NLRP4: variants seen among roughly 807,000 people sequenced by gnomAD.
NLRP4 encodes NLR family pyrin domain containing 4, also known as NACHT, LRR and PYD domains-containing protein 4.
In NLRP4, 44 loss-of-function variants were observed where a neutral mutation model predicts 84.7. The ratio of observed to expected loss-of-function variants is 0.52; its 90% CI spans 0.41 to 0.67. NLRP4 has a LOEUF of 0.67. Among genes scored for constraint, NLRP4 ranks in the 30% least tolerant of loss-of-function variants. The probability of loss-of-function intolerance (pLI) is 0.00; values close to 1 mark genes in which losing one functional copy is unlikely to be tolerated. For synonymous variants in NLRP4, 544 were observed against 476.4 expected (o/e 1.14, Z -1.85); for missense variants, 1,260 against 1,219.4 (o/e 1.03, Z -0.50).
At chr19:55,845,800 TG>T (rs1360560919) in intron 1 of NLRP4, among the ~76,000 whole-genome samples, 8 of 148,630 alleles carry the variant, frequency 5.4e-5, no homozygotes, top group South Asian at 2.1e-4. Context: ...TTTTTTCATG[TG>T]TTTTTTGGCT....
intron 6 of NLRP4, 38 bp downstream of exon 6, chr19:55,867,914 T>G (rs1392439077): frequency 1.3e-6 from 2 of 1,593,626 alleles, no homozygotes; most frequent in Non-Finnish European, 1.7e-6. Flanking sequence ...TGGAGGGCCA[T>G]GGCGGCAGTT....
intron 1 of NLRP4, among the ~76,000 whole-genome samples, chr19:55,844,869 G>C (rs1460104611): frequency 6.6e-6 from 1 of 152,118 alleles, no homozygotes. Context: ...TGGTAGAGGA[G>C]TGTGTGTGCG....
chr19:55,879,567 A>G (rs990892337), intron 9 of NLRP4, among the ~76,000 whole-genome samples: 9 of 152,120 alleles, frequency 5.9e-5, no homozygotes, highest in East Asian at 1.9e-4. Flanking sequence ...TACTGTACCC[A>G]TGCTAATAAA....
At position 55,840,360 on chromosome 19, in the gene NLRP4, G is replaced by A. The variant is rs1600216712; in HGVS notation, c.-66+3426G>A. ...TGTATGTGTATGTGTGTGTGTGTGT[G>A]TGTGTGTGTGTGTGTGTATACATAT... On this transcript the variant is annotated intron_variant, in intron 1 of 9. Coordinates refer to ENST00000301295, the MANE Select transcript of NLRP4 (RefSeq NM_134444.5). Among the ~76,000 whole-genome samples, 3 of 150,780 alleles carry A rather than the reference G, an allele frequency of 2.0e-5. No homozygotes were observed. In the South Asian group the frequency reaches 6.3e-4, roughly 32 times the overall value.
At chr19:55,847,653 G>A (rs1983848284) in intron 1 of NLRP4, among the ~76,000 whole-genome samples, 2 of 151,142 alleles carry the variant, frequency 1.3e-5, no homozygotes, top group South Asian at 2.1e-4. Flanking sequence ...TAATAAACCA[G>A]TATTAATAGA....
Position 55,874,986 on chromosome 19 carries a change from C to T in NLRP4, c.2526-2010C>T, listed in dbSNP as rs573565025. The stretch of plus-strand genomic sequence containing the variant: ...ACATTAAAAAGATTAGTAAAAAAAT[C>T]AATGTAAATCACTTTACTGGTTAAA... On this transcript the variant is annotated intron_variant, in intron 7 of 9. Coordinates refer to ENST00000301295, the MANE Select transcript of NLRP4 (RefSeq NM_134444.5). 5.3e-3 allele frequency among the ~76,000 whole-genome samples: 802 copies of T among 152,170 alleles called. 5 individuals are homozygous for T. Among genetic ancestry groups the T allele is most frequent in the African/African-American group, 0.017 (709 of 41,548 alleles).
At chr19:55,847,988 G>T (rs425122) in intron 1 of NLRP4, among the ~76,000 whole-genome samples, 21,627 of 152,014 alleles carry the variant, frequency 0.14, 1,672 homozygotes, top group East Asian at 0.22. Flanking sequence ...GTGCTGGGAT[G>T]ACAGGCGTGA....
rs775509691 is a variant in NLRP4 at position 55,857,806 on chromosome 19, T to C, written c.413T>C (p.Leu138Pro). The C allele has an allele frequency of 6.2e-7, 1 of 1,613,970 alleles. No individual in the cohort carries two copies. The highest frequency in any genetic ancestry group is 8.5e-7 in the Non-Finnish European group (1 of 1,179,880). The change falls in exon 3 of 10, where the codon CTT becomes CCT. Residue 138 changes from leucine to proline, a missense_variant. Physicochemically the swap from Leu to Pro is moderately conservative, Grantham distance 98 (BLOSUM62 -3). Around this residue, in one of 3 missense-constraint regions of NLRP4, gnomAD observed 712 missense variants for 669.2 expected, o/e 1.06. Coordinates refer to ENST00000301295, the MANE Select transcript of NLRP4 (RefSeq NM_134444.5). ...KQEECDHLDRLFAPKEAGKQP... is the reference protein window; with the variant it reads ...KQEECDHLDRPFAPKEAGKQP... ...GAAGAATGTGACCATTTGGACCGCC[T>C]TTTTGCTCCCAAGGAAGCTGGGAAA...
intron 9 of NLRP4, among the ~76,000 whole-genome samples, chr19:55,879,938 A>T (rs1254003561): frequency 6.6e-6 from 1 of 151,732 alleles, no homozygotes; most frequent in African/African-American, 2.4e-5. Context: ...ACTTATATAA[A>T]CATAATTTAT....
At position 55,867,698 on chromosome 19, in the gene NLRP4, C is replaced by T. The variant is rs1212464706; in HGVS notation, c.2187-11C>T. 6.2e-7 allele frequency: 1 copy of T among 1,610,446 alleles called. No individual in the cohort carries two copies. The highest frequency in any genetic ancestry group is 8.5e-7 in the Non-Finnish European group (1 of 1,177,852). ...AAACCAACAGAATGTGACATTTTCC[C>T]TTTCCTGCAGGCTGGTAAATTGTCA... is the stretch of plus-strand genomic sequence containing the variant. On this transcript the variant is annotated splice_polypyrimidine_tract_variant and intron_variant, in intron 5 of 9. Coordinates refer to ENST00000301295, the MANE Select transcript of NLRP4 (RefSeq NM_134444.5).
At chr19:55,838,035 C>CCAAAAAAAAAAAAAAAAAAGG (rs59078329) in intron 1 of NLRP4, among the ~76,000 whole-genome samples, 6 of 132,718 alleles carry the variant, frequency 4.5e-5, no homozygotes, top group South Asian at 2.3e-4. Flanking sequence ...GACTCGGTCT[C>CCAAAAAAAAAAAAAAAAAAGG]AAGCTGGATG....
chr19:55,871,025 C>G, intron 7 of NLRP4, 28 bp downstream of exon 7: 2 of 1,607,618 alleles, frequency 1.2e-6, no homozygotes, highest in African/African-American at 2.7e-5. Context: ...TCTTTGAAGA[C>G]CAAGCCGTCT....
chr19:55,870,033 G>C (rs1294351644), intron 6 of NLRP4, among the ~76,000 whole-genome samples: 1 of 152,068 alleles, frequency 6.6e-6, no homozygotes, highest in African/African-American at 2.4e-5. Context: ...GGGAGGTAGA[G>C]GCTGCAGTGA....
chr19:55,849,762 T>A (rs1360638642), intron 1 of NLRP4, among the ~76,000 whole-genome samples: 1 of 152,276 alleles, frequency 6.6e-6, no homozygotes, highest in Non-Finnish European at 1.5e-5. Context: ...AGTAAAAATG[T>A]AATTTCTGTA....
intron 1 of NLRP4, among the ~76,000 whole-genome samples, chr19:55,850,628 T>C (rs1477519690): frequency 8.9e-6 from 1 of 112,348 alleles, no homozygotes; most frequent in Admixed American, 7.8e-5. Flanking sequence ...CGGTGTAATG[T>C]CCGAGGCTGC....
intron 1 of NLRP4, among the ~76,000 whole-genome samples, chr19:55,838,395 A>T (rs1469489550): frequency 1.3e-5 from 2 of 151,976 alleles, no homozygotes; most frequent in Non-Finnish European, 2.9e-5. Flanking sequence ...AGAGTGACAC[A>T]GGTTGCCAGC....
intron 5 of NLRP4, among the ~76,000 whole-genome samples, chr19:55,864,201 C>A (rs1302633902): frequency 6.6e-6 from 1 of 152,110 alleles, no homozygotes; most frequent in Non-Finnish European, 1.5e-5. Context: ...AGAAAGAAAC[C>A]CCATACCCAT....
At chr19:55,837,391 A>T (rs1312349574) in intron 1 of NLRP4, among the ~76,000 whole-genome samples, 1 of 152,148 alleles carries the variant, frequency 6.6e-6, no homozygotes, top group Non-Finnish European at 1.5e-5. Context: ...ATAATAAGAT[A>T]TTAAGTATAT....
chr19:55,841,535 G>A (rs1168133742), intron 1 of NLRP4, among the ~76,000 whole-genome samples: 1 of 152,008 alleles, frequency 6.6e-6, no homozygotes, highest in African/African-American at 2.4e-5. Flanking sequence ...TTATTGATAG[G>A]CACTTAGTTT....
Sources: gnomAD v4.1 joint callset for allele counts (sites outside exome capture counted in the v4.1 genomes callset) on GRCh38, gnomAD v4.1.1 for gene constraint, gnomAD v4.1.1 regional missense constraint, MANE v1.5 for transcripts, NCBI Gene and HGNC (gene_info 2026-07-23, HGNC 2026-07-21) for gene names.